The following DNAAF9 variants were observed in gnomAD, a reference collection of about 807,000 sequenced individuals.
DNAAF9 encodes the protein dynein axonemal assembly factor 9.
DNAAF9 carries 90 observed loss-of-function variants against 167.0 expected under a neutral mutation model. The ratio of observed to expected loss-of-function variants is 0.54; its 90% CI spans 0.45 to 0.64. The LOEUF (loss-of-function observed/expected upper bound fraction) is 0.64, where lower values mean the gene tolerates loss of function less well. Ranked by LOEUF, DNAAF9 falls within the 30% of genes least tolerant of loss-of-function variation. The pLI is 0.00. For synonymous variants in DNAAF9, 491 were observed against 508.8 expected (o/e 0.96, Z 0.47); for missense variants, 1,315 against 1,442.2 (o/e 0.91, Z 1.43).
At chr20:3,354,359 A>T (rs1051980471) in intron 7 of DNAAF9, among the ~76,000 whole-genome samples, 4 of 152,394 alleles carry the variant, frequency 2.6e-5, no homozygotes, top group Non-Finnish European at 5.9e-5. Flanking sequence ...CAGAAGAAAG[A>T]TGCAACAGAG....
rs34199778 is a variant in DNAAF9, at chr20:3,300,678, AAATAATAATAATAAT to A, written c.1783-2518_1783-2504del. Reference sequence around the variant, plus strand: ...TGGGTGACAGAGCGAGACTCCATCTAAATAATAATAATAATAATAATAATAATAATAATAATAATA... The same window carrying A: ...TGGGTGACAGAGCGAGACTCCATCTAAATAATAATAATAATAATAATAATA... On this transcript the variant is annotated intron_variant, in intron 21 of 36. Coordinates refer to ENST00000252032, the MANE Select transcript of DNAAF9 (RefSeq NM_001009984.3). Among the ~76,000 whole-genome samples the A allele has an allele frequency of 2.6e-3, 354 of 134,080 alleles. 2 individuals carry two copies. Among genetic ancestry groups the A allele is most frequent in the African/African-American group, 7.3e-3 (266 of 36,610 alleles). The allele number at this position is 134,080 out of a possible 152,430, so 88.0% of individuals were successfully genotyped here.
In DNAAF9 at chr20:3,290,125, T is replaced by C; in HGVS notation, c.2327+4A>G. On this transcript the variant is annotated splice_donor_region_variant and intron_variant, in intron 26 of 36. Transcript: ENST00000252032. Reference sequence around the variant, plus strand: ...CCCAAAGCAAAGGCATCAGCCATACTAACCTGCCACATTCCTTATGCAGAG... The same window carrying C: ...CCCAAAGCAAAGGCATCAGCCATACCAACCTGCCACATTCCTTATGCAGAG... The C allele has an allele frequency of 6.3e-7, 1 of 1,596,328 alleles. No individual in the cohort carries two copies. The highest frequency in any genetic ancestry group is 8.6e-7 in the Non-Finnish European group (1 of 1,163,692).
At chr20:3,378,090 G>A (rs1481811211) in intron 3 of DNAAF9, among the ~76,000 whole-genome samples, 1 of 152,190 alleles carries the variant, frequency 6.6e-6, no homozygotes, top group African/African-American at 2.4e-5. Context: ...TCCATCTACT[G>A]AGGCATAGTG....
chr20:3,385,510 C>T (rs59473315), intron 1 of DNAAF9, among the ~76,000 whole-genome samples: 6,581 of 152,012 alleles, frequency 0.043, 205 homozygotes, highest in African/African-American at 0.089. Flanking sequence ...CTCTAACTCC[C>T]GGACTCATGG....
chr20:3,321,323 G>T (rs2236116), intron 16 of DNAAF9, among the ~76,000 whole-genome samples: 2 of 151,986 alleles, frequency 1.3e-5, no homozygotes, highest in Non-Finnish European at 2.9e-5. Context: ...TATACACCTA[G>T]GCTAGCTGGT....
At position 3,287,624 on chromosome 20, in the gene DNAAF9, A is replaced by G; in HGVS notation, c.2486+8T>C. The G allele has an allele frequency of 1.2e-6, 2 of 1,614,002 alleles. No individual in the cohort carries two copies. Among genetic ancestry groups the G allele is most frequent in the Non-Finnish European group, 1.7e-6 (2 of 1,179,874 alleles). Reference sequence around the variant, plus strand: ...TTCGACTGTTTCCAGGAGACTTCCAATGCTCACCCTTGTAACACCACCAGC... The same window carrying G: ...TTCGACTGTTTCCAGGAGACTTCCAGTGCTCACCCTTGTAACACCACCAGC... On this transcript the variant is annotated splice_region_variant and intron_variant, in intron 27 of 36. Coordinates refer to ENST00000252032, the MANE Select transcript of DNAAF9 (RefSeq NM_001009984.3).
At chr20:3,331,543 G>C (rs2069829912) in intron 11 of DNAAF9, among the ~76,000 whole-genome samples, 2 of 152,140 alleles carry the variant, frequency 1.3e-5, no homozygotes, top group Admixed American at 6.5e-5. Flanking sequence ...AGCCTTTCTG[G>C]ATGGCCCCAC....
At chr20:3,279,019 C>A in intron 28 of DNAAF9, 70 bp from the exon 29 acceptor site, 1 of 1,121,044 alleles carries the variant, frequency 8.9e-7, no homozygotes, top group Non-Finnish European at 1.3e-6. Flanking sequence ...ATTTCCCATA[C>A]AAATAGGAGT....
At chr20:3,399,662 A>G (rs528496002) in intron 1 of DNAAF9, among the ~76,000 whole-genome samples, 1 of 151,980 alleles carries the variant, frequency 6.6e-6, no homozygotes, top group South Asian at 2.1e-4. Context: ...CAACAAGGAA[A>G]CCCCTTCTGT....
intron 31 of DNAAF9, among the ~76,000 whole-genome samples, chr20:3,261,102 T>C (rs1027301962): frequency 6.6e-6 from 1 of 152,042 alleles, no homozygotes; most frequent in African/African-American, 2.4e-5. Flanking sequence ...AGTGCAGTGG[T>C]GTGATCATAG....
chr20:3,357,838 A>G (rs1324252399), intron 7 of DNAAF9, among the ~76,000 whole-genome samples: 1 of 151,160 alleles, frequency 6.6e-6, no homozygotes, highest in Admixed American at 6.6e-5. Context: ...GCAAGACCTG[A>G]TCTCTACAAA....
chr20:3,261,534 A>G lies in DNAAF9; in HGVS notation c.2874-1506T>C, dbSNP rs1183063501. 2.0e-4 allele frequency among the ~76,000 whole-genome samples: 30 copies of G among 150,178 alleles called. 1 individual carries two copies. On this transcript the variant is annotated intron_variant, in intron 31 of 36. Transcript: ENST00000252032. ...AGGTGCCCACCACCACGCCCAGCTA[A>G]TTTTTGTATTTTTAATAGAGATGGG...
At chr20:3,374,251 G>A (rs891212609) in intron 5 of DNAAF9, 97 bp from the exon 6 acceptor site, 21 of 697,658 alleles carry the variant, frequency 3.0e-5, no homozygotes, top group African/African-American at 2.3e-4. Context: ...CATTTCTCAC[G>A]TGGTCACCAG....
intron 4 of DNAAF9, among the ~76,000 whole-genome samples, chr20:3,375,849 G>GAA (rs1330668965): frequency 2.1e-5 from 3 of 141,022 alleles, no homozygotes; most frequent in Non-Finnish European, 3.1e-5. Flanking sequence ...CTCCGTCCCA[G>GAA]AAAAAAAAAA....
Position 3,290,178 on chromosome 20 carries a change from C to T in DNAAF9, c.2278G>A (p.Ala760Thr), listed in dbSNP as rs1352584156. Residue 760 changes from alanine (A) to threonine (T), a missense_variant, in exon 26 of 37, where the codon GCT (alanine) becomes ACT (threonine). Around this residue, in one of 2 missense-constraint regions of DNAAF9, gnomAD observed 981 missense variants for 1,012.5 expected, o/e 0.97. Transcript: ENST00000252032. ...ACCAGAAAAGCACAGAGCTCGCTAG[C>T]GTGACAGCCTGGGAGGCCGGTTACA... ...SIVTGLPGCH[A>T]SELCAFLVTL... is the part of the protein sequence containing the mutation. The T allele has an allele frequency of 3.7e-6, 6 of 1,613,186 alleles. No individual in the cohort carries two copies. The highest frequency in any genetic ancestry group is 2.2e-5 in the South Asian group (2 of 91,072).
At chr20:3,304,974 G>A (rs2069264257) in intron 20 of DNAAF9, among the ~76,000 whole-genome samples, 1 of 152,186 alleles carries the variant, frequency 6.6e-6, no homozygotes. Flanking sequence ...GGAGCACTTG[G>A]GTCTCAGCTG....
intron 10 of DNAAF9, among the ~76,000 whole-genome samples, chr20:3,334,817 G>C (rs1029184104): frequency 1.3e-5 from 2 of 152,144 alleles, no homozygotes; most frequent in African/African-American, 4.8e-5. Flanking sequence ...TCAGCCCCAG[G>C]ATGATAAGAA....
At chr20:3,384,204 T>C (rs923501468) in intron 1 of DNAAF9, 3 of 152,220 alleles carry the variant, frequency 2.0e-5, no homozygotes, top group African/African-American at 7.2e-5. Context: ...CCATGTGATA[T>C]CAAAACTAGA....
intron 29 of DNAAF9, among the ~76,000 whole-genome samples, chr20:3,274,493 T>A (rs1297730693): frequency 6.6e-6 from 1 of 152,228 alleles, no homozygotes; most frequent in African/African-American, 2.4e-5. Context: ...TACCATAATG[T>A]AAAGACTAAG....
Sources: allele counts gnomAD v4.1 joint callset (sites outside exome capture counted in the v4.1 genomes callset), GRCh38; gene constraint gnomAD v4.1.1; regional missense constraint gnomAD v4.1.1; transcripts MANE v1.5; gene names NCBI Gene and HGNC (gene_info 2026-07-23, HGNC 2026-07-21).